Variants in LRTM1 observed in about 807,000 individuals in gnomAD.
LRTM1 encodes the protein leucine-rich repeat and transmembrane domain-containing protein 1.
Under a neutral mutation model 32.4 loss-of-function variants are expected in LRTM1, and 38 were observed. That is an observed-to-expected ratio of 1.17 (90% CI 0.91 to 1.54). LRTM1 has a LOEUF of 1.54. Ranked by LOEUF, LRTM1 falls within the 40% of genes most tolerant of loss-of-function variation. The pLI, the probability that LRTM1 is intolerant of heterozygous loss-of-function variation, is 0.00. For synonymous variants in LRTM1, 186 were observed against 169.9 expected (o/e 1.09, Z -0.74); for missense variants, 466 against 415.4 (o/e 1.12, Z -1.06).
At chr3:54,945,725 G>A (rs1363415836) in intron 1 of LRTM1, among the ~76,000 whole-genome samples, 1 of 152,172 alleles carries the variant, frequency 6.6e-6, no homozygotes, top group African/African-American at 2.4e-5. Context: ...CCCATTAGGT[G>A]TCTATAGGCA....
intron 2 of LRTM1, among the ~76,000 whole-genome samples, chr3:54,922,097 A>G (rs1445472965): frequency 6.6e-6 from 1 of 152,088 alleles, no homozygotes; most frequent in Non-Finnish European, 1.5e-5. Context: ...TGTGATCTGT[A>G]CTCATGCAGC....
rs186214953 is a variant in LRTM1, at chr3:54,934,349, C to T, written c.-221-9134G>A. Reference sequence around the variant, plus strand: ...CCTCTTGAGCCGTTCAGTGGAGAACCAAGGCTGCCATACGTTTTCTCTAGT... The same window carrying T: ...CCTCTTGAGCCGTTCAGTGGAGAACTAAGGCTGCCATACGTTTTCTCTAGT... On this transcript the variant is annotated intron_variant, in intron 1 of 2. Coordinates refer to the LRTM1 transcript ENST00000493075. Among the ~76,000 whole-genome samples, 110 of 152,262 alleles carry T rather than the reference C, an allele frequency of 7.2e-4. 1 individual carries two copies. Among genetic ancestry groups the T allele is most frequent in the Admixed American group, 1.4e-3 (22 of 15,292 alleles).
chr3:54,964,818 A>T (rs1247159915), intron 1 of LRTM1, among the ~76,000 whole-genome samples: 21 of 144,384 alleles, frequency 1.5e-4, no homozygotes, highest in South Asian at 4.4e-4. Flanking sequence ...GGTTATTCTT[A>T]TTTTTTTTTT....
At chr3:54,921,020 C>T (rs201287490) in intron 2 of LRTM1, among the ~76,000 whole-genome samples, 1 of 152,122 alleles carries the variant, frequency 6.6e-6, no homozygotes, top group Non-Finnish European at 1.5e-5. Flanking sequence ...GATCCTCAGC[C>T]GGGATGCAAC....
intron 1 of LRTM1, among the ~76,000 whole-genome samples, chr3:54,935,944 G>C (rs1701318156): frequency 1.3e-5 from 2 of 152,150 alleles, no homozygotes; most frequent in Admixed American, 6.6e-5. Context: ...CCCTTTGTGA[G>C]TCCAATCATT....
chr3:54,953,487 C>T lies in LRTM1; in HGVS notation c.-222+13441G>A, dbSNP rs140386379. ...GATCATGGGACGCAGCTGAAGCCTT[C>T]GCGCTTGGTGGTCAGATGGCCCATG... On this transcript the variant is annotated intron_variant, in intron 1 of 2. Transcript: ENST00000493075. Among the ~76,000 whole-genome samples the T allele has an allele frequency of 3.9e-3, 594 of 152,304 alleles. 6 individuals carry two copies. Among genetic ancestry groups the T allele is most frequent in the African/African-American group, 0.013 (558 of 41,568 alleles).
At chr3:54,950,338 A>G (rs1701727719) in intron 1 of LRTM1, among the ~76,000 whole-genome samples, 1 of 152,180 alleles carries the variant, frequency 6.6e-6, no homozygotes, top group Non-Finnish European at 1.5e-5. Context: ...TGCAGCCACT[A>G]CAAAGGCCCC....
At chr3:54,966,482 A>G (rs1176482926) in intron 1 of LRTM1, among the ~76,000 whole-genome samples, 1 of 152,178 alleles carries the variant, frequency 6.6e-6, no homozygotes, top group Non-Finnish European at 1.5e-5. Context: ...TACTAAAGCC[A>G]TCCCCCACCT....
At chr3:54,927,608 T>C (rs190445738) in intron 1 of LRTM1, among the ~76,000 whole-genome samples, 2 of 152,144 alleles carry the variant, frequency 1.3e-5, no homozygotes, top group Admixed American at 1.3e-4. Context: ...TGGTTCCACT[T>C]TTCCCCCCAA....
chr3:54,921,845 T>C (rs933256304), intron 2 of LRTM1, among the ~76,000 whole-genome samples: 1 of 152,200 alleles, frequency 6.6e-6, no homozygotes. Flanking sequence ...ATAACTAAAG[T>C]CTGGGCTAGT....
chr3:54,957,912 C>A (rs1701941443), intron 1 of LRTM1, among the ~76,000 whole-genome samples: 1 of 152,198 alleles, frequency 6.6e-6, no homozygotes, highest in Non-Finnish European at 1.5e-5. Flanking sequence ...TGCTGAGAAC[C>A]TTTTCATTGC....
upstream of LRTM1, among the ~76,000 whole-genome samples, chr3:54,931,456 C>G (rs1303043286): frequency 6.6e-6 from 1 of 152,144 alleles, no homozygotes; most frequent in African/African-American, 2.4e-5. Flanking sequence ...CCTTTTCTTT[C>G]TCCCTCCCTC....
chr3:54,950,049 T>C (rs1701717999), intron 1 of LRTM1, among the ~76,000 whole-genome samples: 1 of 152,192 alleles, frequency 6.6e-6, no homozygotes, highest in African/African-American at 2.4e-5. Context: ...CAATTTGCTG[T>C]GCATTTCAGG....
chr3:54,933,458 A>G (rs528574307), intron 1 of LRTM1, among the ~76,000 whole-genome samples: 2 of 152,300 alleles, frequency 1.3e-5, no homozygotes, highest in South Asian at 2.1e-4. Context: ...CATCAGTTGG[A>G]AAAGGTACTT....
At chr3:54,931,077 C>G (rs559772283), upstream of LRTM1, among the ~76,000 whole-genome samples, 44 of 152,296 alleles carry the variant, frequency 2.9e-4, no homozygotes, top group African/African-American at 1.0e-3. Flanking sequence ...GCCTGGGTGA[C>G]AGAGTGAGAC....
intron 1 of LRTM1, among the ~76,000 whole-genome samples, chr3:54,947,918 C>A (rs985098022): frequency 1.4e-4 from 21 of 152,182 alleles, no homozygotes; most frequent in African/African-American, 5.1e-4. Flanking sequence ...GCCTCCAGAG[C>A]AACATGGCCT....
At chr3:54,956,035 T>G (rs1189001605) in intron 1 of LRTM1, among the ~76,000 whole-genome samples, 1 of 152,128 alleles carries the variant, frequency 6.6e-6, no homozygotes, top group Non-Finnish European at 1.5e-5. Flanking sequence ...TACTCCAGAG[T>G]GCCGTCCGCC....
At chr3:54,955,847 C>A (rs1701876281) in intron 1 of LRTM1, among the ~76,000 whole-genome samples, 1 of 152,144 alleles carries the variant, frequency 6.6e-6, no homozygotes, top group Non-Finnish European at 1.5e-5. Flanking sequence ...CCAGCTAAGC[C>A]TGCTCACGAA....
intron 1 of LRTM1, among the ~76,000 whole-genome samples, chr3:54,937,503 A>G (rs1486517592): frequency 6.6e-6 from 1 of 152,206 alleles, no homozygotes; most frequent in Admixed American, 6.5e-5. Context: ...TGTATTTTCC[A>G]ATCTGTGTAT....
Sources: gnomAD v4.1 joint callset for allele counts (sites outside exome capture counted in the v4.1 genomes callset) on GRCh38, gnomAD v4.1.1 for gene constraint, MANE v1.5 for transcripts, NCBI Gene and HGNC (gene_info 2026-07-23, HGNC 2026-07-21) for gene names.